Variants in RANBP17 observed in about 807,000 individuals in gnomAD.
RANBP17 encodes ran-binding protein 17.
In RANBP17, 158 loss-of-function variants were observed where a neutral mutation model predicts 141.2. That is an observed-to-expected ratio of 1.12 (90% confidence interval 0.98 to 1.28). The LOEUF (loss-of-function observed/expected upper bound fraction) is 1.28, where lower values mean the gene tolerates loss of function less well. Ranked by LOEUF, RANBP17 falls within the 50% of genes most tolerant of loss-of-function variation. The probability of loss-of-function intolerance (pLI) is 0.00; values close to 1 mark genes in which losing one functional copy is unlikely to be tolerated. For missense variants in RANBP17, 1,438 were observed against 1,290.7 expected (o/e 1.11, Z -1.75); for synonymous variants, 430 against 450.0 (o/e 0.96, Z 0.56).
At position 171,153,810 on chromosome 5, in the gene RANBP17, C is replaced by T. The variant is rs533228492; in HGVS notation, c.1711-16320C>T. Among the ~76,000 whole-genome samples the T allele has an allele frequency of 2.0e-5, 3 of 152,206 alleles. No homozygotes were observed. The South Asian group carries it at 6.2e-4, about 32-fold the overall frequency. On this transcript the variant is annotated intron_variant, in intron 14 of 27. Transcript: ENST00000523189. ...TGCCTGTAATCTTCAGGCGGATCAC[C>T]TGAGGTCGGGAGTTCAAGACCAGCC...
intron 14 of RANBP17, among the ~76,000 whole-genome samples, chr5:171,009,013 G>A (rs951330562): frequency 1.3e-5 from 2 of 151,938 alleles, no homozygotes; most frequent in African/African-American, 4.8e-5. Flanking sequence ...TATTTATTTG[G>A]CACTGCTAAA....
At chr5:171,282,127 G>A (rs1458383466) in intron 25 of RANBP17, among the ~76,000 whole-genome samples, 1 of 152,134 alleles carries the variant, frequency 6.6e-6, no homozygotes, top group Non-Finnish European at 1.5e-5. Flanking sequence ...ATAAATACTT[G>A]GAAGTTGTAA....
Position 171,186,740 on chromosome 5 carries a change from T to G in RANBP17, c.2038+3310T>G, listed in dbSNP as rs569612464. On this transcript the variant is annotated intron_variant, in intron 18 of 27. Coordinates refer to ENST00000523189, the MANE Select transcript of RANBP17 (RefSeq NM_022897.5). Reference sequence around the variant, plus strand: ...TTTAGTAGAGACGGGGTTTCACCGTTTTAGCCGGGATGGTCTCGATCTCCT... The same window carrying G: ...TTTAGTAGAGACGGGGTTTCACCGTGTTAGCCGGGATGGTCTCGATCTCCT... Among the ~76,000 whole-genome samples, 40 of 149,226 alleles carry G rather than the reference T, an allele frequency of 2.7e-4. 1 individual carries two copies. The South Asian group carries it at 4.9e-3, about 18-fold the overall frequency.
At chr5:170,876,764 G>A (rs775732388) in intron 1 of RANBP17, among the ~76,000 whole-genome samples, 4 of 152,084 alleles carry the variant, frequency 2.6e-5, no homozygotes, top group Non-Finnish European at 5.9e-5. Context: ...TTCCTTTAAT[G>A]AGAAGGTATA....
chr5:171,293,821 C>A, intron 25 of RANBP17, 62 bp from the exon 26 acceptor site: 4 of 1,227,162 alleles, frequency 3.3e-6, no homozygotes, highest in Non-Finnish European at 4.8e-6. Flanking sequence ...ACATGAAAGG[C>A]CTGGGATTAG....
At chr5:171,216,376 G>T (rs1356207791) in intron 21 of RANBP17, among the ~76,000 whole-genome samples, 1 of 152,094 alleles carries the variant, frequency 6.6e-6, no homozygotes, top group African/African-American at 2.4e-5. Context: ...GATTGTCTTG[G>T]CTATACGTGC....
intron 14 of RANBP17, among the ~76,000 whole-genome samples, chr5:171,102,941 C>A (rs375456052): frequency 1.3e-5 from 2 of 152,122 alleles, no homozygotes; most frequent in Non-Finnish European, 2.9e-5. Flanking sequence ...TACACAACAG[C>A]AAAGATTGCT....
chr5:171,134,935 ATAAAT>A (rs1757167567), intron 14 of RANBP17, among the ~76,000 whole-genome samples: 2 of 151,732 alleles, frequency 1.3e-5, no homozygotes, highest in South Asian at 4.2e-4. Context: ...TAAAATAAAA[ATAAAT>A]TAAATTCCCA....
rs561588364 is a variant in RANBP17, at chr5:170,956,730, G to A, written c.1574+3028G>A. On this transcript the variant is annotated intron_variant, in intron 13 of 27. Coordinates refer to ENST00000523189, the MANE Select transcript of RANBP17 (RefSeq NM_022897.5). ...CTCCCAAAGTGCTGGGATTACAGGCGTGAGCAACTGTGCCCAGCTGATTTT... is the reference window on the plus strand; with the variant it reads ...CTCCCAAAGTGCTGGGATTACAGGCATGAGCAACTGTGCCCAGCTGATTTT... 4.6e-5 allele frequency among the ~76,000 whole-genome samples: 7 copies of A among 151,086 alleles called. No individual in the cohort carries two copies. In the South Asian group the frequency reaches 6.4e-4, roughly 14 times the overall value.
chr5:171,174,013 G>GT (rs1277385914), intron 16 of RANBP17, among the ~76,000 whole-genome samples: 7 of 152,124 alleles, frequency 4.6e-5, no homozygotes. Flanking sequence ...GGGGACGTAA[G>GT]TCCCCAGATT....
At position 170,909,721 on chromosome 5, in the gene RANBP17, T is replaced by C. The variant is rs773279238; in HGVS notation, c.550T>C (p.Ser184Pro). ...RKIATSFRDT[S>P]LKDVLVLACS... ...AATAGCTACCTCATTTCGTGATACT[T>C]CTCTCAAAGACGTTTTAGTGCTAGC... is the stretch of plus-strand genomic sequence containing the variant. The change falls in exon 6 of 28, where the codon TCT becomes CCT. Residue 184 changes from serine (S) to proline (P), a missense_variant. Coordinates refer to ENST00000523189, the MANE Select transcript of RANBP17 (RefSeq NM_022897.5). 6.3e-7 allele frequency: 1 copy of C among 1,597,472 alleles called. No homozygotes were observed. The highest frequency in any genetic ancestry group is 1.3e-5 in the African/African-American group (1 of 74,398).
intron 18 of RANBP17, among the ~76,000 whole-genome samples, chr5:171,186,553 TTGA>T (rs1761261329): frequency 8.7e-4 from 109 of 125,934 alleles, no homozygotes; most frequent in South Asian, 4.4e-3. Context: ...TTTTTTTTTT[TTGA>T]GACGGAGTCT....
chr5:170,890,382 TAAGGAAA>T (rs1484789485), intron 3 of RANBP17, among the ~76,000 whole-genome samples: 2 of 152,172 alleles, frequency 1.3e-5, no homozygotes, highest in Non-Finnish European at 2.9e-5. Flanking sequence ...GTCCTAATGC[TAAGGAAA>T]TTATGCTTTT....
At chr5:171,251,922 CTA>C (rs1226095222) in intron 24 of RANBP17, 1 of 1,593,576 alleles carries the variant, frequency 6.3e-7, no homozygotes, top group African/African-American at 1.3e-5. Flanking sequence ...TGAATGAGCA[CTA>C]TTTTGGATTA....
intron 25 of RANBP17, among the ~76,000 whole-genome samples, chr5:171,284,084 T>C (rs948316736): frequency 6.6e-6 from 1 of 152,228 alleles, no homozygotes; most frequent in East Asian, 1.9e-4. Context: ...CCTTCCTTGC[T>C]TTTGAATGGC....
chr5:171,184,961 G>A (rs943308464), intron 18 of RANBP17, among the ~76,000 whole-genome samples: 4 of 152,144 alleles, frequency 2.6e-5, no homozygotes, highest in Middle Eastern at 3.4e-3. Flanking sequence ...TCAGGAGTTC[G>A]AGACCAGCCT....
intron 12 of RANBP17, among the ~76,000 whole-genome samples, chr5:170,948,881 G>T (rs557092870): frequency 6.6e-6 from 1 of 152,224 alleles, no homozygotes; most frequent in African/African-American, 2.4e-5. Flanking sequence ...CCTGGGTGCG[G>T]TGGCTCATGC....
intron 25 of RANBP17, among the ~76,000 whole-genome samples, chr5:171,287,360 C>T (rs1156697057): frequency 1.3e-5 from 2 of 152,056 alleles, no homozygotes; most frequent in East Asian, 1.9e-4. Flanking sequence ...TGTGGTGGCC[C>T]GTGCCTATAG....
intron 14 of RANBP17, among the ~76,000 whole-genome samples, chr5:171,054,458 C>G (rs1377893259): frequency 6.6e-6 from 1 of 152,182 alleles, no homozygotes; most frequent in African/African-American, 2.4e-5. Flanking sequence ...CTAACATTGC[C>G]ATGGCATTTG....
Sources: gnomAD v4.1 joint callset for allele counts (sites outside exome capture counted in the v4.1 genomes callset) on GRCh38, gnomAD v4.1.1 for gene constraint, MANE v1.5 for transcripts, NCBI Gene and HGNC (gene_info 2026-07-23, HGNC 2026-07-21) for gene names.